CDH18: variants seen among roughly 807,000 people sequenced by gnomAD.
The protein encoded by CDH18 is cadherin 18.
In CDH18, 31 loss-of-function variants were observed where a neutral mutation model predicts 67.9. That is an observed-to-expected ratio of 0.46 (90% confidence interval 0.34 to 0.62). The LOEUF (loss-of-function observed/expected upper bound fraction) is 0.62, where lower values mean the gene tolerates loss of function less well. CDH18 is among the 20% of genes least tolerant of loss of function. The probability of loss-of-function intolerance (pLI) is 0.01; values close to 1 mark genes in which losing one functional copy is unlikely to be tolerated. For missense variants in CDH18, 890 were observed against 975.5 expected, an observed-to-expected ratio of 0.91 and a Z score of 1.17; for synonymous variants, 362 against 347.2, an observed-to-expected ratio of 1.04 and a Z score of -0.48.
intron 2 of CDH18, among the ~76,000 whole-genome samples, chr5:20,064,348 T>C (rs1742785213): frequency 6.6e-6 from 1 of 152,170 alleles, no homozygotes; most frequent in Admixed American, 6.6e-5. Flanking sequence ...GAATTGACTT[T>C]ATCAAGAAAA....
rs113858297 is a variant in CDH18, at chr5:20,408,484, T to C, written c.-579-152979A>G. The stretch of plus-strand genomic sequence containing the variant: ...GAGGGAAGAAGTAAAATATAGAATT[T>C]GTATGCCATTGAAGTTAAGTTCTGA... On this transcript the variant is annotated intron_variant, in intron 1 of 14. Transcript: ENST00000507958. 8.8e-4 allele frequency among the ~76,000 whole-genome samples: 134 copies of C among 152,082 alleles called. 1 individual carries two copies. Among genetic ancestry groups the C allele is most frequent in the Admixed American group, 7.2e-4 (11 of 15,262 alleles).
chr5:19,505,474 T>C (rs1743973534), intron 10 of CDH18, among the ~76,000 whole-genome samples: 1 of 152,210 alleles, frequency 6.6e-6, no homozygotes, highest in Non-Finnish European at 1.5e-5. Flanking sequence ...TAGCTCTTAT[T>C]ATTTTGAGAT....
At chr5:19,661,754 T>C (rs946318709) in intron 5 of CDH18, among the ~76,000 whole-genome samples, 3 of 151,988 alleles carry the variant, frequency 2.0e-5, no homozygotes, top group African/African-American at 7.2e-5. Flanking sequence ...CAGGGAAAAA[T>C]GAAACCTTTC....
At chr5:19,920,931 G>A (rs1019704104) in intron 2 of CDH18, among the ~76,000 whole-genome samples, 2 of 96,060 alleles carry the variant, frequency 2.1e-5, no homozygotes, top group Admixed American at 1.1e-4. Context: ...ATCACCACAG[G>A]GGGATAGAGT....
At chr5:20,508,323 TTA>T (rs55885279) in intron 1 of CDH18, among the ~76,000 whole-genome samples, 3,432 of 109,606 alleles carry the variant, frequency 0.031, 37 homozygotes, top group South Asian at 0.036. Flanking sequence ...ATGACTATGA[TTA>T]TATATATATA....
intron 1 of CDH18, among the ~76,000 whole-genome samples, chr5:20,302,831 G>A (rs1281181686): frequency 1.3e-5 from 2 of 152,134 alleles, no homozygotes; most frequent in African/African-American, 2.4e-5. Context: ...GATTCATGAG[G>A]AATCAAAGTG....
intron 4 of CDH18, among the ~76,000 whole-genome samples, chr5:19,724,498 C>T (rs934731934): frequency 3.1e-5 from 4 of 130,832 alleles, no homozygotes; most frequent in Non-Finnish European, 5.0e-5. Flanking sequence ...TGAGCACACT[C>T]GTACACACAG....
intron 2 of CDH18, among the ~76,000 whole-genome samples, chr5:20,203,591 G>GAGAGAGAGAGAA (rs1216832381): frequency 6.6e-6 from 1 of 151,098 alleles, no homozygotes; most frequent in Non-Finnish European, 1.5e-5. Flanking sequence ...AAGAGAGAGA[G>GAGAGAGAGAGAA]AGAGAGAGAA....
intron 3 of CDH18, among the ~76,000 whole-genome samples, chr5:19,762,166 C>G (rs1772446580): frequency 6.6e-6 from 1 of 152,134 alleles, no homozygotes; most frequent in Non-Finnish European, 1.5e-5. Context: ...CAATACCATT[C>G]AGGACATAGG....
intron 5 of CDH18, among the ~76,000 whole-genome samples, chr5:19,719,949 GA>G (rs1043261302): frequency 1.3e-5 from 2 of 150,432 alleles, no homozygotes; most frequent in Admixed American, 6.6e-5. Flanking sequence ...AAGAAAGAAA[GA>G]AAGAAAGAAG....
chr5:20,230,332 G>A (rs1039797524), intron 2 of CDH18, among the ~76,000 whole-genome samples: 1 of 151,914 alleles, frequency 6.6e-6, no homozygotes, highest in Non-Finnish European at 1.5e-5. Context: ...GGTCACTCTG[G>A]GCCTATGAAA....
intron 2 of CDH18, among the ~76,000 whole-genome samples, chr5:20,248,030 C>T (rs1029045073): frequency 6.6e-6 from 1 of 152,066 alleles, no homozygotes; most frequent in Admixed American, 6.5e-5. Flanking sequence ...TACAATCTTC[C>T]AAAAATATAA....
intron 1 of CDH18, among the ~76,000 whole-genome samples, chr5:20,498,984 A>T (rs1754075752): frequency 1.3e-5 from 2 of 151,964 alleles, no homozygotes; most frequent in Non-Finnish European, 2.9e-5. Flanking sequence ...TAATTTGCAT[A>T]CTCTGGGTTA....
At chr5:19,646,020 G>A (rs1427205735) in intron 5 of CDH18, among the ~76,000 whole-genome samples, 1 of 152,134 alleles carries the variant, frequency 6.6e-6, no homozygotes, top group Non-Finnish European at 1.5e-5. Flanking sequence ...GACAAATGAT[G>A]ACATGGAGAT....
chr5:20,262,319 G>A (rs1023212754), intron 1 of CDH18, among the ~76,000 whole-genome samples: 3 of 152,170 alleles, frequency 2.0e-5, no homozygotes, highest in Non-Finnish European at 2.9e-5. Flanking sequence ...AAGGGCTCAC[G>A]GAGCAATAAC....
At chr5:19,720,718 T>C (rs1765978401) in intron 5 of CDH18, among the ~76,000 whole-genome samples, 1 of 152,140 alleles carries the variant, frequency 6.6e-6, no homozygotes, top group African/African-American at 2.4e-5. Flanking sequence ...TTTTGGCCAG[T>C]AAAAAATAAA....
chr5:19,655,915 A>AT (rs887139412), intron 5 of CDH18, among the ~76,000 whole-genome samples: 5 of 151,116 alleles, frequency 3.3e-5, no homozygotes, highest in East Asian at 2.0e-4. Context: ...TGGGATTAAG[A>AT]TGAAAGCAAA....
rs70954659 is a variant in CDH18 at position 20,471,833 on chromosome 5, T to TA, written c.-580+103628dup. On this transcript the variant is annotated intron_variant, in intron 1 of 14. Coordinates refer to the CDH18 transcript ENST00000507958. ...CTGGGCAACAGATCGAGATTCAGTC[T>TA]AAAAAAAAAAAAAAAAAAGCAAAAG... Among the ~76,000 whole-genome samples, 39 of 51,478 alleles carry TA rather than the reference T, an allele frequency of 7.6e-4. 2 individuals carry two copies. Among genetic ancestry groups the TA allele is most frequent in the South Asian group, 3.0e-3 (3 of 1,008 alleles). 33.8% of individuals were successfully genotyped at this position (51,478 alleles called of 152,430 possible). A position where few individuals can be genotyped will look rare whatever the true frequency, so the allele number is the denominator to read the frequency against.
At chr5:19,560,618 C>A (rs1739275974) in intron 8 of CDH18, among the ~76,000 whole-genome samples, 1 of 151,748 alleles carries the variant, frequency 6.6e-6, no homozygotes. Flanking sequence ...ACTTCATGAC[C>A]AAGAATCAAA....
Sources: gnomAD v4.1 joint callset for allele counts (sites outside exome capture counted in the v4.1 genomes callset) on GRCh38, gnomAD v4.1.1 for gene constraint, MANE v1.5 for transcripts, NCBI Gene and HGNC (gene_info 2026-07-23, HGNC 2026-07-21) for gene names.